Variants in LRRTM3 observed in about 807,000 individuals in gnomAD.
LRRTM3 encodes the protein leucine rich repeat transmembrane neuronal 3.
A neutral mutation model predicts 44.7 loss-of-function variants in LRRTM3; 24 were observed. The observed-to-expected ratio is 0.54, with a 90% CI of 0.39 to 0.76. LRRTM3 has a LOEUF of 0.76. Among genes scored for constraint, LRRTM3 ranks in the 30% least tolerant of loss-of-function variants. The pLI, the probability that LRRTM3 is intolerant of heterozygous loss-of-function variation, is 0.00. For missense variants in LRRTM3, 587 were observed against 702.2 expected, an observed-to-expected ratio of 0.84 and a Z score of 1.85; for synonymous variants, 277 against 278.7, an observed-to-expected ratio of 0.99 and a Z score of 0.06.
At chr10:66,997,140 G>A (rs969970009) in intron 2 of LRRTM3, among the ~76,000 whole-genome samples, 27 of 152,032 alleles carry the variant, frequency 1.8e-4, no homozygotes, top group African/African-American at 6.0e-4. Context: ...CAGCTTTTTC[G>A]TCTTTGCTTA....
chr10:67,084,470 T>C (rs1015560875), intron 2 of LRRTM3, among the ~76,000 whole-genome samples: 11 of 152,022 alleles, frequency 7.2e-5, no homozygotes, highest in African/African-American at 2.4e-4. Context: ...TTAATTTAAA[T>C]ATTGTTTATA....
Position 66,928,442 on chromosome 10 carries a change from G to A in LRRTM3, c.1526G>A (p.Arg509Lys), listed in dbSNP as rs1847196492. 6.2e-7 allele frequency: 1 copy of A among 1,606,396 alleles called. No individual in the cohort carries two copies. The highest frequency in any genetic ancestry group is 1.1e-5 in the South Asian group (1 of 89,802). The stretch of plus-strand genomic sequence containing the variant: ...TGCACCTATAACAAATCGGGCTCCA[G>A]GGAGTGTGAGGTATGAACCATTGTG... ...GPCTYNKSGS[R>K]ECEIPLSMNV... Residue 509 changes from arginine (R) to lysine (K), a missense_variant, in exon 2 of 3, where the codon AGG becomes AAG. Physicochemically the swap from Arg to Lys is conservative, Grantham distance 26. Around this residue, in one of 3 missense-constraint regions of LRRTM3, gnomAD observed 315 missense variants for 335.6 expected, o/e 0.94. Transcript: ENST00000361320.
intron 2 of LRRTM3, among the ~76,000 whole-genome samples, chr10:66,987,885 T>G (rs1488998562): frequency 6.6e-6 from 1 of 152,318 alleles, no homozygotes; most frequent in East Asian, 1.9e-4. Context: ...AAGGAACTCC[T>G]TTTTATGCAG....
At chr10:66,972,159 T>C (rs1362752530) in intron 2 of LRRTM3, among the ~76,000 whole-genome samples, 1 of 152,140 alleles carries the variant, frequency 6.6e-6, no homozygotes, top group African/African-American at 2.4e-5. Flanking sequence ...TAACAACATA[T>C]AGTCAATTTA....
intron 2 of LRRTM3, among the ~76,000 whole-genome samples, chr10:67,079,145 T>G (rs1856901429): frequency 6.6e-6 from 1 of 152,228 alleles, no homozygotes; most frequent in African/African-American, 2.4e-5. Context: ...TGCATTCCCC[T>G]TTTGGTTTCT....
rs1849010196 is a variant in LRRTM3 at position 66,959,626 on chromosome 10, T to C, written c.1536+31174T>C. 2.0e-5 allele frequency among the ~76,000 whole-genome samples: 3 copies of C among 152,280 alleles called. No homozygotes were observed. In the South Asian group the frequency reaches 6.2e-4, roughly 32 times the overall value. On this transcript the variant is annotated intron_variant, in intron 2 of 2. Transcript: ENST00000361320. ...GATGATTTCTACAACTACTTTCAGG[T>C]CTAACATTCCACAACCTTATTTGTG...
chr10:66,986,030 A>C (rs527699623), intron 2 of LRRTM3, among the ~76,000 whole-genome samples: 2 of 152,052 alleles, frequency 1.3e-5, no homozygotes, highest in African/African-American at 4.8e-5. Flanking sequence ...CTGGCCTCAC[A>C]TTCCTTCTTT....
rs575781221 is a variant in LRRTM3 at position 66,946,042 on chromosome 10, T to C, written c.1536+17590T>C. Among the ~76,000 whole-genome samples, 3 of 152,246 alleles carry C rather than the reference T, an allele frequency of 2.0e-5. No homozygotes were observed. In the South Asian group the frequency reaches 6.2e-4, roughly 32 times the overall value. On this transcript the variant is annotated intron_variant, in intron 2 of 2. Transcript: ENST00000361320. Reference sequence around the variant, plus strand: ...AAAGATGTGGCAATAATTAACAAAATGTAACACAGAGACATGAAATGAGCA... The same window carrying C: ...AAAGATGTGGCAATAATTAACAAAACGTAACACAGAGACATGAAATGAGCA...
chr10:67,010,280 C>T (rs1852236580), intron 2 of LRRTM3, among the ~76,000 whole-genome samples: 1 of 152,010 alleles, frequency 6.6e-6, no homozygotes, highest in African/African-American at 2.4e-5. Flanking sequence ...GCAAATATAC[C>T]TCCTTCCCAC....
At chr10:67,091,269 C>G (rs1471238099) in intron 2 of LRRTM3, among the ~76,000 whole-genome samples, 2 of 151,916 alleles carry the variant, frequency 1.3e-5, no homozygotes, top group South Asian at 4.2e-4. Flanking sequence ...AAGTCATCAT[C>G]AAGTGTATTT....
At chr10:67,035,628 T>C (rs1854001082) in intron 2 of LRRTM3, among the ~76,000 whole-genome samples, 1 of 152,090 alleles carries the variant, frequency 6.6e-6, no homozygotes, top group South Asian at 2.1e-4. Context: ...TAAGGAAAAT[T>C]TAAAAAGCCC....
Position 66,927,118 on chromosome 10 carries a change from C to G in LRRTM3, c.202C>G (p.Leu68Val). 6.2e-7 allele frequency: 1 copy of G among 1,614,132 alleles called. No homozygotes were observed. The highest frequency in any genetic ancestry group is 8.5e-7 in the Non-Finnish European group (1 of 1,180,012). ...ATCTGCTGGTTGCTTAGGTTTGTCCCTTCGCTATAACAGCCTTCAAAAACT... is the reference window on the plus strand; with the variant it reads ...ATCTGCTGGTTGCTTAGGTTTGTCCGTTCGCTATAACAGCCTTCAAAAACT... ...SISAGCLGLS[L>V]RYNSLQKLKY... The change falls in exon 2 of 3, where the codon CTT becomes GTT. Residue 68 changes from leucine to valine, a missense_variant. By Grantham distance (32) the Leu-to-Val change is conservative (BLOSUM62 1). This residue lies in a region of LRRTM3 where 222 missense variants were observed against 323.3 expected (regional missense o/e 0.69). Transcript: ENST00000361320. This position sits in a 1 kb window ranked among gnomAD's most constrained non-coding sequence, Gnocchi z 4.7.
In LRRTM3 at chr10:66,926,903, A is replaced by G; in HGVS notation, c.5-18A>G. On this transcript the variant is annotated intron_variant, in intron 1 of 2. Transcript: ENST00000361320. ...CTTTTTTGGGGGGATAACTTTTCTA[A>G]GTTGTTTTTATTTCCAGGTTTCAAT... is the stretch of plus-strand genomic sequence containing the variant. 6.5e-7 allele frequency: 1 copy of G among 1,541,332 alleles called. No homozygotes were observed. Among genetic ancestry groups the G allele is most frequent in the East Asian group, 2.3e-5 (1 of 44,088 alleles).
At chr10:66,964,754 C>G (rs1849307254) in intron 2 of LRRTM3, among the ~76,000 whole-genome samples, 1 of 152,094 alleles carries the variant, frequency 6.6e-6, no homozygotes, top group African/African-American at 2.4e-5. Context: ...GATAAGGCAG[C>G]ATGGAAGTAG....
chr10:67,043,469 C>T (rs1338656741), intron 2 of LRRTM3, among the ~76,000 whole-genome samples: 1 of 152,090 alleles, frequency 6.6e-6, no homozygotes, highest in Admixed American at 6.6e-5. Context: ...GGTTTTCCTC[C>T]TAAGCTGCAT....
intron 2 of LRRTM3, among the ~76,000 whole-genome samples, chr10:66,957,451 T>C (rs1848879930): frequency 1.0e-5 from 1 of 100,246 alleles, no homozygotes; most frequent in South Asian, 4.0e-4. Flanking sequence ...TGCATATATA[T>C]ATATGCATAT....
At chr10:66,929,078 T>C (rs1847230293) in intron 2 of LRRTM3, among the ~76,000 whole-genome samples, 1 of 151,980 alleles carries the variant, frequency 6.6e-6, no homozygotes, top group Non-Finnish European at 1.5e-5. Flanking sequence ...AGGGACAAAG[T>C]GATGAAGGGT....
intron 2 of LRRTM3, among the ~76,000 whole-genome samples, chr10:67,045,144 G>A (rs1016284255): frequency 4.6e-5 from 7 of 152,150 alleles, no homozygotes. Flanking sequence ...TACAGTAAAT[G>A]CTGAAGCATA....
chr10:67,054,208 T>A (rs1455654552), intron 2 of LRRTM3, among the ~76,000 whole-genome samples: 1 of 152,000 alleles, frequency 6.6e-6, no homozygotes, highest in African/African-American at 2.4e-5. Context: ...AAAAAAACTT[T>A]ATAAATAAAA....
Sources: gnomAD v4.1 joint callset for allele counts (sites outside exome capture counted in the v4.1 genomes callset) on GRCh38, gnomAD v4.1.1 for gene constraint, gnomAD v4.1.1 regional missense constraint, Gnocchi (gnomAD v3.1) non-coding constraint, MANE v1.5 for transcripts, NCBI Gene and HGNC (gene_info 2026-07-23, HGNC 2026-07-21) for gene names.